LYPLA1: variants seen among roughly 807,000 people sequenced by gnomAD.
LYPLA1 encodes acyl-protein thioesterase 1.
A neutral mutation model predicts 34.0 loss-of-function variants in LYPLA1; 17 were observed. The ratio of observed to expected loss-of-function variants is 0.50; its 90% confidence interval spans 0.34 to 0.75. LYPLA1 has a LOEUF of 0.75. Among genes scored for constraint, LYPLA1 ranks in the 30% least tolerant of loss-of-function variants. The pLI, the probability that LYPLA1 is intolerant of heterozygous loss-of-function variation, is 0.01. For synonymous variants in LYPLA1, 98 were observed against 100.8 expected, an observed-to-expected ratio of 0.97 and a Z score of 0.17; for missense variants, 203 against 288.8, an observed-to-expected ratio of 0.70 and a Z score of 2.15.
intron 8 of LYPLA1, among the ~76,000 whole-genome samples, chr8:54,049,557 C>G (rs144466518): frequency 1.3e-5 from 2 of 152,186 alleles, no homozygotes; most frequent in African/African-American, 4.8e-5. Flanking sequence ...CGCCACCTCA[C>G]CCGGCCTGTC....
intron 3 of LYPLA1, among the ~76,000 whole-genome samples, chr8:54,064,424 A>AAG (rs988812933): frequency 3.9e-5 from 6 of 152,228 alleles, no homozygotes; most frequent in African/African-American, 1.4e-4. Context: ...CTCAAAAAAA[A>AAG]AGAAAAAGAA....
intron 2 of LYPLA1, among the ~76,000 whole-genome samples, chr8:54,071,269 G>A (rs1807441538): frequency 1.3e-5 from 2 of 152,324 alleles, no homozygotes; most frequent in Admixed American, 6.5e-5. Context: ...GGACACAGCT[G>A]AGAAAGCTGG....
downstream of LYPLA1, among the ~76,000 whole-genome samples, chr8:54,043,723 G>A (rs778996801): frequency 2.3e-4 from 35 of 151,460 alleles, no homozygotes; most frequent in Non-Finnish European, 4.6e-4. Context: ...TATCACTCCC[G>A]GCTAATTTCA....
At chr8:54,058,075 A>T (rs923597569) in intron 5 of LYPLA1, among the ~76,000 whole-genome samples, 1 of 152,210 alleles carries the variant, frequency 6.6e-6, no homozygotes, top group Non-Finnish European at 1.5e-5. Flanking sequence ...TTCTGCTCAT[A>T]TATATTCCAT....
At chr8:54,069,785 G>T (rs1390007134) in intron 2 of LYPLA1, among the ~76,000 whole-genome samples, 1 of 151,332 alleles carries the variant, frequency 6.6e-6, no homozygotes, top group Non-Finnish European at 1.5e-5. Flanking sequence ...TATGTCATGT[G>T]AATTTTACCT....
intron 2 of LYPLA1, among the ~76,000 whole-genome samples, chr8:54,082,506 A>G (rs941512336): frequency 4.6e-5 from 7 of 151,966 alleles, no homozygotes; most frequent in Non-Finnish European, 1.0e-4. Flanking sequence ...TTTGGTAGAG[A>G]CAGGATCTCA....
chr8:54,043,008 A>G (rs889052419), downstream of LYPLA1: 4 of 152,118 alleles, frequency 2.6e-5, no homozygotes, highest in Admixed American at 2.6e-4. Context: ...TTCATGGTTT[A>G]TTTAGCTGGT....
intron 8 of LYPLA1, among the ~76,000 whole-genome samples, chr8:54,048,787 T>C (rs1055433390): frequency 3.3e-5 from 5 of 152,208 alleles, no homozygotes; most frequent in Admixed American, 3.3e-4. Flanking sequence ...CCTTGTAATT[T>C]AGTCACTCAG....
At chr8:54,073,623 G>C in intron 2 of LYPLA1, 1 of 503,386 alleles carries the variant, frequency 2.0e-6, no homozygotes, top group Non-Finnish European at 3.6e-6. Flanking sequence ...CAAATTTCAT[G>C]ACCAGTAAAG....
At chr8:54,073,088 G>C in intron 2 of LYPLA1, 1 of 620,806 alleles carries the variant, frequency 1.6e-6, no homozygotes, top group South Asian at 1.6e-5. Context: ...AAAAAAGGTC[G>C]TTAAGGGTTG....
At chr8:54,089,340 T>C (rs199542844) in intron 2 of LYPLA1, among the ~76,000 whole-genome samples, 4 of 152,178 alleles carry the variant, frequency 2.6e-5, no homozygotes, top group African/African-American at 9.7e-5. Flanking sequence ...CACATTCACA[T>C]AACTTTTATT....
At chr8:54,079,187 C>T (rs915127949) in intron 2 of LYPLA1, among the ~76,000 whole-genome samples, 1 of 151,958 alleles carries the variant, frequency 6.6e-6, no homozygotes, top group African/African-American at 2.4e-5. Flanking sequence ...ACCATGTTGG[C>T]GAGGCTGGTC....
intron 2 of LYPLA1, among the ~76,000 whole-genome samples, chr8:54,080,223 C>T (rs1025375373): frequency 2.0e-5 from 3 of 151,976 alleles, no homozygotes; most frequent in Admixed American, 6.6e-5. Context: ...CCTGTCTCTA[C>T]AAAAAGTAGC....
At chr8:54,056,368 C>T (rs1806205713) in intron 5 of LYPLA1, among the ~76,000 whole-genome samples, 1 of 152,124 alleles carries the variant, frequency 6.6e-6, no homozygotes, top group Admixed American at 6.5e-5. Flanking sequence ...GGAAAATCTC[C>T]AGGACATTGG....
At chr8:54,063,076 G>C (rs931278172) in intron 4 of LYPLA1, among the ~76,000 whole-genome samples, 1 of 152,150 alleles carries the variant, frequency 6.6e-6, no homozygotes, top group Admixed American at 6.6e-5. Flanking sequence ...AACCAACAAA[G>C]GTTTATCAAG....
Position 54,057,886 on chromosome 8 carries a change from T to C in LYPLA1, c.287-2753A>G, listed in dbSNP as rs549237141. Among the ~76,000 whole-genome samples the C allele has an allele frequency of 6.0e-4, 91 of 152,296 alleles. 2 individuals carry two copies. In the South Asian group the frequency reaches 0.019, roughly 31 times the overall value. ...TCTCCATGATGTGCTTATTTCACATTGCATCCCTGTATCAAAACATCTCAC... is the reference window on the plus strand; with the variant it reads ...TCTCCATGATGTGCTTATTTCACATCGCATCCCTGTATCAAAACATCTCAC... On this transcript the variant is annotated intron_variant, in intron 5 of 8. Coordinates refer to ENST00000316963, the MANE Select transcript of LYPLA1 (RefSeq NM_006330.4).
chr8:54,056,877 C>T (rs960700834), intron 5 of LYPLA1, among the ~76,000 whole-genome samples: 1 of 152,104 alleles, frequency 6.6e-6, no homozygotes, highest in Admixed American at 6.6e-5. Flanking sequence ...TGCACCACTG[C>T]ACCCCAGCCT....
intron 6 of LYPLA1, chr8:54,054,394 C>T (rs1385720362): frequency 6.6e-6 from 1 of 152,308 alleles, no homozygotes; most frequent in East Asian, 1.9e-4. Context: ...TATATTGTAT[C>T]AACAAATCTT....
intron 2 of LYPLA1, among the ~76,000 whole-genome samples, chr8:54,091,402 G>T (rs942726637): frequency 6.6e-6 from 1 of 151,830 alleles, no homozygotes; most frequent in Non-Finnish European, 1.5e-5. Flanking sequence ...GCAGAGAATC[G>T]CTTGAACCCA....
Sources: allele counts gnomAD v4.1 joint callset (sites outside exome capture counted in the v4.1 genomes callset), GRCh38; gene constraint gnomAD v4.1.1; transcripts MANE v1.5; gene names NCBI Gene and HGNC (gene_info 2026-07-23, HGNC 2026-07-21).